Variants in COMMD9 observed in about 807,000 individuals in gnomAD.
COMMD9 encodes COMM domain containing 9, also known as COMM domain-containing protein 9.
A neutral mutation model predicts 23.4 loss-of-function variants in COMMD9; 22 were observed. The observed-to-expected ratio is 0.94, with a 90% CI of 0.67 to 1.34. COMMD9 has a LOEUF of 1.34. Among genes scored for constraint, COMMD9 ranks in the 40% most tolerant of loss-of-function variants. The pLI is 0.00. For synonymous variants in COMMD9, 99 were observed against 97.4 expected (o/e 1.02, Z -0.10); for missense variants, 231 against 240.2 (o/e 0.96, Z 0.25).
Position 36,274,288 on chromosome 11 carries a change from G to T in COMMD9, c.*344C>A. The T allele has an allele frequency of 1.9e-6, 1 of 523,886 alleles. No homozygotes were observed. Among genetic ancestry groups the T allele is most frequent in the Non-Finnish European group, 3.7e-6 (1 of 271,700 alleles). The allele number at this position is 523,886 out of a possible 1,614,324, so 32.5% of individuals were successfully genotyped here. ...AATAAACTTACTTATTGGATAGGCT[G>T]CATGATTTGGGCCTGAATTTCTCAA... is the stretch of plus-strand genomic sequence containing the variant. On this transcript the variant is annotated 3_prime_UTR_variant, in exon 6 of 6. Transcript: ENST00000263401.
chr11:36,284,142 A>G (rs2133432434), intron 1 of COMMD9, among the ~76,000 whole-genome samples: 1 of 147,378 alleles, frequency 6.8e-6, no homozygotes, highest in Middle Eastern at 3.5e-3. Flanking sequence ...CAACAACAAC[A>G]AATCTCCCTT....
rs1258422651 is a variant in COMMD9, at chr11:36,289,363, T to G, written c.50A>C (p.Lys17Thr). Residue 17 changes from lysine to threonine, a missense_variant and splice_region_variant, in exon 1 of 6, where the codon AAG becomes ACG. By Grantham distance (78) the Lys-to-Thr change is moderately conservative. Coordinates refer to ENST00000263401, the MANE Select transcript of COMMD9 (RefSeq NM_014186.4). ...GCTGTCCCCACCCCTTCGACTTACC[T>G]TGAGCAGGCTCTGGAGTGCTGCAAA... ...EHFAALQSLL[K>T]ASSKDVVRQL... 6.4e-7 allele frequency: 1 copy of G among 1,551,702 alleles called. No homozygotes were observed.
In COMMD9 at chr11:36,278,497, T is replaced by G. The variant is rs754993754; in HGVS notation, c.297A>C (p.Thr99=). 1 of 1,613,994 alleles carries G rather than the reference T, an allele frequency of 6.2e-7. No individual in the cohort carries two copies. The highest frequency in any genetic ancestry group is 1.7e-5 in the Admixed American group (1 of 60,028). The change falls in exon 3 of 6, where the codon ACA becomes ACC. Residue 99 remains threonine (T), a synonymous_variant. Coordinates refer to ENST00000263401, the MANE Select transcript of COMMD9 (RefSeq NM_014186.4). ...NFHQNLKNLL[T]KIILEHVSTW... is the part of the protein sequence containing the mutation. ...CTTACACATGTTCTAGGATGATCTT[T>G]GTCAGCAGGTTTTTGAGGTTTTGGT... is the stretch of plus-strand genomic sequence containing the variant.
chr11:36,281,419 C>G (rs1856064209), intron 1 of COMMD9, among the ~76,000 whole-genome samples: 1 of 152,134 alleles, frequency 6.6e-6, no homozygotes, highest in Non-Finnish European at 1.5e-5. Flanking sequence ...ATGAGGTACC[C>G]CAACATTCCT....
chr11:36,283,516 CG>C (rs1236898390), intron 1 of COMMD9, among the ~76,000 whole-genome samples: 5 of 151,798 alleles, frequency 3.3e-5, no homozygotes, highest in Non-Finnish European at 7.4e-5. Flanking sequence ...TGATAAGTTA[CG>C]TATATAGAAT....
At chr11:36,285,604 C>T (rs1385623972) in intron 1 of COMMD9, among the ~76,000 whole-genome samples, 4 of 151,512 alleles carry the variant, frequency 2.6e-5, no homozygotes, top group Non-Finnish European at 4.4e-5. Flanking sequence ...AAAATAGATG[C>T]GAAAATTCTT....
At chr11:36,285,076 G>C (rs924318001) in intron 1 of COMMD9, among the ~76,000 whole-genome samples, 3 of 152,006 alleles carry the variant, frequency 2.0e-5, no homozygotes, top group Non-Finnish European at 4.4e-5. Context: ...AGAAACAGCT[G>C]GTTCTTTGAC....
intron 1 of COMMD9, 64 bp downstream of exon 1, chr11:36,289,298 C>A: frequency 6.7e-7 from 1 of 1,491,660 alleles, no homozygotes; most frequent in Admixed American, 2.0e-5. Flanking sequence ...TTCCCAATTC[C>A]TGCTCCGTCT....
rs1855986812 is a variant in COMMD9 at position 36,277,129 on chromosome 11, T to G, written c.318-6A>C. ...CTTCGGTTCTCCAAGTAGACCTGTT[T>G]AAGAGGGAAAGATGAGGAAAAAATA... On this transcript the variant is annotated splice_region_variant and splice_polypyrimidine_tract_variant and intron_variant, in intron 3 of 5. Transcript: ENST00000263401. The G allele has an allele frequency of 6.3e-7, 1 of 1,588,356 alleles. No individual in the cohort carries two copies. The highest frequency in any genetic ancestry group is 8.6e-7 in the Non-Finnish European group (1 of 1,167,222).
chr11:36,276,115 A>T (rs1855965838), intron 5 of COMMD9, 22 bp downstream of exon 5: 12 of 1,568,786 alleles, frequency 7.6e-6, no homozygotes, highest in Admixed American at 1.7e-5. Context: ...TCTTCTTTCT[A>T]ATGGCATGAT....
intron 3 of COMMD9, 134 bp downstream of exon 3, chr11:36,278,343 G>C (rs572284059): frequency 2.7e-6 from 2 of 752,442 alleles, no homozygotes; most frequent in African/African-American, 3.6e-5. Context: ...TGGAATTACA[G>C]GTGTCTTATT....
At chr11:36,277,719 C>T (rs1012528154) in intron 3 of COMMD9, among the ~76,000 whole-genome samples, 26 of 61,088 alleles carry the variant, frequency 4.3e-4, no homozygotes, top group Non-Finnish European at 9.4e-4. Flanking sequence ...TATACAGATA[C>T]TTCACAAAAG....
At chr11:36,276,408 C>A in intron 4 of COMMD9, 168 bp from the exon 5 acceptor site, 1 of 596,472 alleles carries the variant, frequency 1.7e-6, no homozygotes, top group South Asian at 2.0e-5. Context: ...GAGTCATGTG[C>A]CTTACCCATT....
At chr11:36,277,884 T>C (rs1335826463) in intron 3 of COMMD9, among the ~76,000 whole-genome samples, 1 of 152,188 alleles carries the variant, frequency 6.6e-6, no homozygotes, top group Non-Finnish European at 1.5e-5. Context: ...AGGGGTACAC[T>C]TGTATCCTAC....
At position 36,280,720 on chromosome 11, in the gene COMMD9, C is replaced by A; in HGVS notation, c.169G>T (p.Ala57Ser). Residue 57 changes from alanine (A) to serine (S), a missense_variant, in exon 2 of 6, where the codon GCA becomes TCA. Physicochemically the swap from Ala to Ser is moderately conservative, Grantham distance 99 (BLOSUM62 1). Transcript: ENST00000263401. The part of the protein sequence containing the change: ...CSSLSVTQEE[A>S]EELLQALHRL... ...TTTCTGACCACACTTACTTCCTCTG[C>A]CTCCTCCTGGGTCACAGACAAGCTG... The A allele has an allele frequency of 6.3e-7, 1 of 1,599,986 alleles. No individual in the cohort carries two copies. The highest frequency in any genetic ancestry group is 1.1e-5 in the South Asian group (1 of 88,760).
At position 36,280,703 on chromosome 11, in the gene COMMD9, C is replaced by A; in HGVS notation, c.177+9G>T. ...CCAGTGGCCAAAGATCATTTCTGAC[C>A]ACACTTACTTCCTCTGCCTCCTCCT... On this transcript the variant is annotated intron_variant, in intron 2 of 5. Transcript: ENST00000263401. The A allele has an allele frequency of 1.3e-6, 2 of 1,581,780 alleles. No homozygotes were observed. Among genetic ancestry groups the A allele is most frequent in the Non-Finnish European group, 1.7e-6 (2 of 1,164,416 alleles).
intron 3 of COMMD9, chr11:36,278,275 A>C (rs1463790475): frequency 3.7e-6 from 2 of 537,082 alleles, no homozygotes; most frequent in Non-Finnish European, 6.5e-6. Context: ...AGAGGAAAAA[A>C]AAAACATGTT....
At chr11:36,280,039 G>A (rs571390389) in intron 2 of COMMD9, among the ~76,000 whole-genome samples, 2 of 152,302 alleles carry the variant, frequency 1.3e-5, no homozygotes, top group South Asian at 4.1e-4. Flanking sequence ...CTGGGGCATC[G>A]AGGCTGCAGT....
intron 1 of COMMD9, among the ~76,000 whole-genome samples, chr11:36,282,090 A>G (rs1464180286): frequency 6.6e-6 from 1 of 152,140 alleles, no homozygotes; most frequent in Non-Finnish European, 1.5e-5. Flanking sequence ...GAGAAGTAGA[A>G]ATTACCCACT....
Sources: allele counts gnomAD v4.1 joint callset (sites outside exome capture counted in the v4.1 genomes callset), GRCh38; gene constraint gnomAD v4.1.1; transcripts MANE v1.5; gene names NCBI Gene and HGNC (gene_info 2026-07-23, HGNC 2026-07-21).